CFAP77: variants seen among roughly 807,000 people sequenced by gnomAD.
The protein encoded by CFAP77 is cilia- and flagella-associated protein 77.
Under a neutral mutation model 31.1 loss-of-function variants are expected in CFAP77, and 25 were observed. The ratio of observed to expected loss-of-function variants is 0.80; its 90% CI spans 0.59 to 1.12. CFAP77 has a LOEUF of 1.12. Among genes scored for constraint, CFAP77 ranks in the 50% most tolerant of loss-of-function variants. CFAP77 has a pLI of 0.00. For synonymous variants in CFAP77, 151 were observed against 159.9 expected (o/e 0.94, Z 0.42); for missense variants, 377 against 397.3 (o/e 0.95, Z 0.44).
At chr9:132,496,129 T>C (rs563371911) in intron 1 of CFAP77, among the ~76,000 whole-genome samples, 1 of 152,296 alleles carries the variant, frequency 6.6e-6, no homozygotes, top group South Asian at 2.1e-4. Flanking sequence ...TCATGGGGTA[T>C]ACAAAAAAAT....
At position 132,525,173 on chromosome 9, in the gene CFAP77, C is replaced by T. The variant is rs577144520; in HGVS notation, c.525-12428C>T. On this transcript the variant is annotated intron_variant, in intron 3 of 5. Coordinates refer to ENST00000393216, the MANE Select transcript of CFAP77 (RefSeq NM_001282957.2). ...TAGCCGGGACTACAGGCATGCGCCA[C>T]CACGCCTGGCTGATTTTTGTGTTTT... Among the ~76,000 whole-genome samples the T allele has an allele frequency of 2.6e-5, 4 of 151,888 alleles. No individual in the cohort carries two copies. The East Asian group carries it at 7.8e-4, about 30-fold the overall frequency.
intron 5 of CFAP77, among the ~76,000 whole-genome samples, chr9:132,567,736 C>T (rs1829902398): frequency 6.6e-6 from 1 of 152,204 alleles, no homozygotes; most frequent in African/African-American, 2.4e-5. Flanking sequence ...GCCACATTCC[C>T]TGGAAGGCTC....
intron 1 of CFAP77, among the ~76,000 whole-genome samples, chr9:132,435,143 T>C (rs1850483630): frequency 1.3e-5 from 2 of 152,116 alleles, no homozygotes; most frequent in Admixed American, 6.5e-5. Context: ...GACAGGGTAA[T>C]CCTAGGAACA....
intron 1 of CFAP77, among the ~76,000 whole-genome samples, chr9:132,448,276 C>T (rs1850763368): frequency 1.3e-5 from 2 of 152,226 alleles, no homozygotes; most frequent in South Asian, 4.1e-4. Context: ...TGGCCTCAGA[C>T]AGAGTAGGAG....
chr9:132,566,284 G>A (rs1474951639), intron 5 of CFAP77, among the ~76,000 whole-genome samples: 4 of 152,220 alleles, frequency 2.6e-5, no homozygotes, highest in Non-Finnish European at 5.9e-5. Flanking sequence ...CGAAGGGCTT[G>A]GGGCCTTGAG....
chr9:132,459,740 GTGAGTGTGTGTGTA>G (rs1370827341), intron 1 of CFAP77, among the ~76,000 whole-genome samples: 7 of 138,578 alleles, frequency 5.1e-5, no homozygotes, highest in African/African-American at 2.4e-4. Context: ...GTATATGTGT[GTGAGTGTGTGTGTA>G]TGTGTGTGTA....
At chr9:132,483,213 G>A (rs1851479538) in intron 1 of CFAP77, among the ~76,000 whole-genome samples, 1 of 152,162 alleles carries the variant, frequency 6.6e-6, no homozygotes, top group Non-Finnish European at 1.5e-5. Flanking sequence ...AGAGGTTGCA[G>A]TGAGCCAAGA....
At chr9:132,478,594 A>G (rs550646224) in intron 1 of CFAP77, among the ~76,000 whole-genome samples, 2 of 152,336 alleles carry the variant, frequency 1.3e-5, no homozygotes, top group Admixed American at 1.3e-4. Flanking sequence ...TTGAAAAGAT[A>G]TAAGAGGCCA....
intron 5 of CFAP77, among the ~76,000 whole-genome samples, chr9:132,561,225 A>G (rs1162317285): frequency 1.3e-5 from 2 of 152,176 alleles, no homozygotes; most frequent in South Asian, 2.1e-4. Context: ...TAGAGGAGAC[A>G]GCCTCTCAAT....
chr9:132,516,375 T>G (rs1461431982), intron 3 of CFAP77, among the ~76,000 whole-genome samples: 1 of 152,174 alleles, frequency 6.6e-6, no homozygotes, highest in Non-Finnish European at 1.5e-5. Flanking sequence ...CCAGTTTATT[T>G]ATACAAAAAG....
Position 132,498,595 on chromosome 9 carries a change from G to A in CFAP77, c.196-100G>A. ...ACCCTGAAGGCCACGGCAGGGCCTG[G>A]GGGAAATGCAGGCATCTGGTGCCTC... On this transcript the variant is annotated intron_variant, in intron 1 of 5. Transcript: ENST00000393216. The surrounding 1 kb of genome is among the most constrained non-coding windows in gnomAD (Gnocchi z 4.2). 3 of 890,318 alleles carry A rather than the reference G, an allele frequency of 3.4e-6. No homozygotes were observed. In the South Asian group the frequency reaches 4.7e-5, roughly 14 times the overall value. 55.2% of individuals were successfully genotyped at this position (890,318 alleles called of 1,614,324 possible).
intron 3 of CFAP77, among the ~76,000 whole-genome samples, chr9:132,515,806 G>A (rs1852135742): frequency 6.6e-6 from 1 of 152,184 alleles, no homozygotes; most frequent in South Asian, 2.1e-4. Flanking sequence ...CTTTGAGAAG[G>A]CCACACACTC....
chr9:132,548,286 G>GGGGGGGGGGGGGGCCCCC (rs1564248910), intron 5 of CFAP77, among the ~76,000 whole-genome samples: 2 of 128,998 alleles, frequency 1.6e-5, no homozygotes, highest in Non-Finnish European at 3.3e-5. Context: ...GGGGGGTGGG[G>GGGGGGGGGGGGGGCCCCC]GGTGAAGCTG....
chr9:132,411,010 A>T (rs1314964754), intron 1 of CFAP77, among the ~76,000 whole-genome samples: 2 of 152,218 alleles, frequency 1.3e-5, no homozygotes, highest in Non-Finnish European at 2.9e-5. Flanking sequence ...TAAGAGAAAA[A>T]AAGCATAATC....
intron 3 of CFAP77, among the ~76,000 whole-genome samples, chr9:132,518,396 G>A (rs1175139907): frequency 6.6e-6 from 1 of 152,122 alleles, no homozygotes; most frequent in Non-Finnish European, 1.5e-5. Context: ...ACCATTAGGG[G>A]CAAAAAGCCT....
intron 5 of CFAP77, among the ~76,000 whole-genome samples, chr9:132,569,657 A>G (rs908955626): frequency 7.3e-5 from 11 of 150,466 alleles, no homozygotes; most frequent in African/African-American, 2.7e-4. Flanking sequence ...CCGGCTGGAC[A>G]CCAGGGTGGC....
At chr9:132,473,662 A>G (rs998126863) in intron 1 of CFAP77, among the ~76,000 whole-genome samples, 2 of 152,034 alleles carry the variant, frequency 1.3e-5, no homozygotes, top group African/African-American at 4.8e-5. Flanking sequence ...CCTAGTCTCA[A>G]CCAGAGCTGT....
chr9:132,571,599 T>C (rs1482377567), intron 5 of CFAP77, among the ~76,000 whole-genome samples: 2 of 152,186 alleles, frequency 1.3e-5, no homozygotes, highest in African/African-American at 4.8e-5. Context: ...AACAGATGGA[T>C]AGAAGCCCAG....
At chr9:132,532,377 C>T (rs1397110275) in intron 3 of CFAP77, among the ~76,000 whole-genome samples, 1 of 152,222 alleles carries the variant, frequency 6.6e-6, no homozygotes, top group East Asian at 1.9e-4. Flanking sequence ...GAGAGCGGAG[C>T]CAGCCTGATA....
Sources: allele counts gnomAD v4.1 joint callset (sites outside exome capture counted in the v4.1 genomes callset), GRCh38; gene constraint gnomAD v4.1.1; non-coding constraint Gnocchi (gnomAD v3.1); transcripts MANE v1.5; gene names NCBI Gene and HGNC (gene_info 2026-07-23, HGNC 2026-07-21).